USP48: variants seen among roughly 807,000 people sequenced by gnomAD.
USP48 encodes ubiquitin carboxyl-terminal hydrolase 48.
A neutral mutation model predicts 150.7 loss-of-function variants in USP48; 43 were observed. The ratio of observed to expected loss-of-function variants is 0.29; its 90% CI spans 0.22 to 0.37. USP48 has a LOEUF of 0.37. USP48 is among the 10% of genes least tolerant of loss of function. The probability of loss-of-function intolerance (pLI) is 1.00; values close to 1 mark genes in which losing one functional copy is unlikely to be tolerated. For missense variants in USP48, 813 were observed against 1,249.6 expected (o/e 0.65, Z 5.27); for synonymous variants, 396 against 425.9 (o/e 0.93, Z 0.86).
chr1:21,734,533 G>A (rs1346969382), intron 9 of USP48, among the ~76,000 whole-genome samples: 1 of 152,180 alleles, frequency 6.6e-6, no homozygotes, highest in East Asian at 1.9e-4. Flanking sequence ...AATCTCAACT[G>A]CTATGTTCCT....
rs143459449 is a variant in USP48, at chr1:21,737,251, A to G, written c.992-626T>C. 1.7e-3 allele frequency among the ~76,000 whole-genome samples: 259 copies of G among 152,334 alleles called. 1 individual carries two copies. Among genetic ancestry groups the G allele is most frequent in the African/African-American group, 6.0e-3 (251 of 41,578 alleles). Reference sequence around the variant, plus strand: ...CATGTATCATCACATTAGCACCTTCAGATCAAAGTTTCATTTGCCAAGTCT... The same window carrying G: ...CATGTATCATCACATTAGCACCTTCGGATCAAAGTTTCATTTGCCAAGTCT... On this transcript the variant is annotated intron_variant, in intron 8 of 26. Coordinates refer to ENST00000308271, the MANE Select transcript of USP48 (RefSeq NM_032236.8).
intron 1 of USP48, among the ~76,000 whole-genome samples, chr1:21,779,521 G>C (rs1018318522): frequency 3.3e-5 from 5 of 151,786 alleles, no homozygotes; most frequent in African/African-American, 1.2e-4. Flanking sequence ...ACTCCAGCCT[G>C]GGCAACACAG....
At chr1:21,779,049 G>A (rs1487514095) in intron 1 of USP48, among the ~76,000 whole-genome samples, 1 of 151,966 alleles carries the variant, frequency 6.6e-6, no homozygotes, top group East Asian at 1.9e-4. Context: ...CCACAGTGCT[G>A]AGGTTACAGG....
rs1451290617 is a variant in USP48, at chr1:21,767,901, C to T, written c.135-10118G>A. Among the ~76,000 whole-genome samples, 3 of 152,016 alleles carry T rather than the reference C, an allele frequency of 2.0e-5. No individual in the cohort carries two copies. In the South Asian group the frequency reaches 6.2e-4, roughly 32 times the overall value. ...ATCAAGGTCTCATAAATTAGACATG[C>T]AAGAAATAAGCAAATCTAAAAACAG... On this transcript the variant is annotated intron_variant, in intron 1 of 26. Coordinates refer to ENST00000308271, the MANE Select transcript of USP48 (RefSeq NM_032236.8).
At chr1:21,692,305 G>A (rs191243576) in intron 23 of USP48, among the ~76,000 whole-genome samples, 1 of 152,202 alleles carries the variant, frequency 6.6e-6, no homozygotes, top group African/African-American at 2.4e-5. Flanking sequence ...ATCCAAGCCA[G>A]CTCAGCATGC....
intron 1 of USP48, among the ~76,000 whole-genome samples, chr1:21,779,687 T>C (rs767337418): frequency 4.6e-5 from 7 of 152,136 alleles, no homozygotes; most frequent in African/African-American, 7.2e-5. Flanking sequence ...AACATTATAA[T>C]AGCCAAAAAG....
chr1:21,722,536 C>G (rs2097724158), intron 12 of USP48, among the ~76,000 whole-genome samples: 1 of 146,818 alleles, frequency 6.8e-6, no homozygotes, highest in African/African-American at 2.5e-5. Context: ...AAGACTCTGT[C>G]TCAGAGAAAA....
chr1:21,757,572 CAGT>C, intron 2 of USP48, 88 bp downstream of exon 2: 1 of 1,427,184 alleles, frequency 7.0e-7, no homozygotes, highest in Non-Finnish European at 9.4e-7. Context: ...TACCTGAAAT[CAGT>C]AGAGTTTTCT....
chr1:21,693,418 T>TC (rs370868050), intron 23 of USP48, among the ~76,000 whole-genome samples: 4 of 152,280 alleles, frequency 2.6e-5, no homozygotes, highest in Non-Finnish European at 4.4e-5. Context: ...GGAAAGACCT[T>TC]CTACTGCCTT....
At chr1:21,761,431 A>T (rs76539789) in intron 1 of USP48, among the ~76,000 whole-genome samples, 11,594 of 152,008 alleles carry the variant, frequency 0.076, 498 homozygotes, top group Middle Eastern at 0.11. Context: ...TACTTGGATA[A>T]TTTTTTATTT....
intron 14 of USP48, among the ~76,000 whole-genome samples, chr1:21,716,208 G>A (rs1399825416): frequency 6.6e-6 from 1 of 151,970 alleles, no homozygotes; most frequent in Non-Finnish European, 1.5e-5. Flanking sequence ...CCACTTAAAG[G>A]AAGCACTTTG....
chr1:21,697,456 G>A (rs1318359925), intron 22 of USP48, among the ~76,000 whole-genome samples: 1 of 152,188 alleles, frequency 6.6e-6, no homozygotes, highest in Non-Finnish European at 1.5e-5. Context: ...AAGGTCAGGA[G>A]ATTGAGACCA....
Position 21,689,888 on chromosome 1 carries a change from C to T in USP48, c.3009+86G>A. 7 of 1,542,916 alleles carry T rather than the reference C, an allele frequency of 4.5e-6. No individual in the cohort carries two copies. The Middle Eastern group carries it at 5.3e-4, about 116-fold the overall frequency. ...ACCCTCTGCTAAAGACCCAAGGCAT[C>T]CTTTAACCACCATTTCACACAGTTT... On this transcript the variant is annotated intron_variant, in intron 24 of 26. Coordinates refer to ENST00000308271, the MANE Select transcript of USP48 (RefSeq NM_032236.8).
In USP48 at chr1:21,760,519, G is replaced by C. The variant is rs187640651; in HGVS notation, c.135-2736C>G. 4.3e-3 allele frequency among the ~76,000 whole-genome samples: 649 copies of C among 151,286 alleles called. 2 individuals are homozygous for C. Among genetic ancestry groups the C allele is most frequent in the Middle Eastern group, 0.024 (7 of 286 alleles). The stretch of plus-strand genomic sequence containing the variant: ...TCACAAAGTCAGGAGTTCGAGACCA[G>C]CCTGGCCAACATGGTAAAACCCCAT... On this transcript the variant is annotated intron_variant, in intron 1 of 26. Transcript: ENST00000308271.
intron 11 of USP48, 138 bp from the exon 12 acceptor site, chr1:21,724,233 T>C (rs1312324341): frequency 3.5e-6 from 3 of 862,870 alleles, no homozygotes; most frequent in Admixed American, 2.1e-5. Flanking sequence ...TGGGGGAAGA[T>C]GTTTGATGAG....
intron 25 of USP48, among the ~76,000 whole-genome samples, chr1:21,684,259 A>G (rs879630241): frequency 3.9e-5 from 6 of 152,242 alleles, no homozygotes; most frequent in African/African-American, 1.2e-4. Context: ...AAAAGTCCGT[A>G]TAAGAGTTCC....
chr1:21,708,461 C>T (rs2097679690), intron 15 of USP48, among the ~76,000 whole-genome samples: 1 of 150,634 alleles, frequency 6.6e-6, no homozygotes, highest in Non-Finnish European at 1.5e-5. Context: ...TTGTGCCATT[C>T]CACTCCAGCC....
intron 11 of USP48, among the ~76,000 whole-genome samples, chr1:21,726,225 T>C (rs1199209165): frequency 1.3e-5 from 2 of 152,092 alleles, no homozygotes; most frequent in East Asian, 1.9e-4. Context: ...AAAGCCCTCC[T>C]TGCCAGGGGA....
intron 11 of USP48, chr1:21,726,475 C>T (rs2097737469): frequency 6.6e-6 from 1 of 152,204 alleles, no homozygotes; most frequent in Non-Finnish European, 1.5e-5. Flanking sequence ...TAATTCTAAT[C>T]TAATACCATG....
Sources: allele counts gnomAD v4.1 joint callset (sites outside exome capture counted in the v4.1 genomes callset), GRCh38; gene constraint gnomAD v4.1.1; transcripts MANE v1.5; gene names NCBI Gene and HGNC (gene_info 2026-07-23, HGNC 2026-07-21).